The following DSCAM variants were observed in gnomAD, a reference collection of about 807,000 sequenced individuals.
DSCAM encodes the protein cell adhesion molecule DSCAM.
DSCAM carries 47 observed loss-of-function variants against 217.7 expected under a neutral mutation model. The ratio of observed to expected loss-of-function variants is 0.22; its 90% CI spans 0.17 to 0.28. The LOEUF is 0.28. DSCAM is among the 10% of genes least tolerant of loss of function. The pLI, the probability that DSCAM is intolerant of heterozygous loss-of-function variation, is 1.00. For synonymous variants in DSCAM, 1,056 were observed against 1,015.3 expected, an observed-to-expected ratio of 1.04 and a Z score of -0.76; for missense variants, 2,080 against 2,618.3, an observed-to-expected ratio of 0.79 and a Z score of 4.49.
At chr21:40,130,885 T>C (rs2090148125) in intron 19 of DSCAM, among the ~76,000 whole-genome samples, 1 of 152,148 alleles carries the variant, frequency 6.6e-6, no homozygotes, top group Non-Finnish European at 1.5e-5. Flanking sequence ...TAACACAGTT[T>C]AAGCCTCCAG....
At chr21:40,317,113 G>A (rs2074205826) in intron 8 of DSCAM, among the ~76,000 whole-genome samples, 1 of 152,202 alleles carries the variant, frequency 6.6e-6, no homozygotes, top group Non-Finnish European at 1.5e-5. Flanking sequence ...CGCAGCCACA[G>A]GGCTATTTAC....
At chr21:40,699,142 C>T (rs899051263) in intron 2 of DSCAM, among the ~76,000 whole-genome samples, 4 of 151,670 alleles carry the variant, frequency 2.6e-5, no homozygotes, top group African/African-American at 7.3e-5. Flanking sequence ...CTTTTAAAAT[C>T]ATTATATCTG....
chr21:40,435,913 C>T (rs1243239950), intron 3 of DSCAM, among the ~76,000 whole-genome samples: 1 of 152,158 alleles, frequency 6.6e-6, no homozygotes. Flanking sequence ...TGATGCTGAG[C>T]AGCAGCAGGG....
At chr21:40,561,220 G>A (rs2076718096) in intron 3 of DSCAM, among the ~76,000 whole-genome samples, 1 of 152,176 alleles carries the variant, frequency 6.6e-6, no homozygotes, top group Non-Finnish European at 1.5e-5. Flanking sequence ...TGGTAACAGT[G>A]ATGATGGTAA....
chr21:40,699,959 C>G (rs1027036076), intron 2 of DSCAM, among the ~76,000 whole-genome samples: 1 of 152,074 alleles, frequency 6.6e-6, no homozygotes, highest in Non-Finnish European at 1.5e-5. Flanking sequence ...AAAGAAAATG[C>G]CATCCAGGAT....
chr21:40,723,130 G>T (rs1455183611), intron 1 of DSCAM, among the ~76,000 whole-genome samples: 1 of 148,656 alleles, frequency 6.7e-6, no homozygotes, highest in African/African-American at 2.5e-5. Flanking sequence ...TTAGGGTAAC[G>T]TAACAGTGTT....
intron 10 of DSCAM, among the ~76,000 whole-genome samples, chr21:40,283,829 A>T (rs1229876638): frequency 6.6e-6 from 1 of 152,220 alleles, no homozygotes; most frequent in Admixed American, 6.5e-5. Context: ...GCATGCAAGG[A>T]GAGCTTGGTC....
chr21:40,628,706 T>TATCTA, intron 3 of DSCAM, among the ~76,000 whole-genome samples: 2 of 8,900 alleles, frequency 2.2e-4, no homozygotes, highest in South Asian at 4.0e-3. Context: ...TCTATCTATC[T>TATCTA]ATCTATCTAT....
At chr21:40,359,160 T>C (rs1251381451) in intron 4 of DSCAM, among the ~76,000 whole-genome samples, 4 of 152,210 alleles carry the variant, frequency 2.6e-5, no homozygotes, top group African/African-American at 9.6e-5. Flanking sequence ...GGAATCTTCA[T>C]ACATCGTTGG....
At position 40,353,733 on chromosome 21, in the gene DSCAM, G is replaced by A. The variant is rs373871052; in HGVS notation, c.666C>T (p.Asn222=). Residue 222 remains asparagine (N), a synonymous_variant, in exon 5 of 33, where the codon AAC becomes AAT. Transcript: ENST00000400454. ...SARLFVSDPA[N]SAPSILDGFD... ...ACCCATCCAGTATGGATGGGGCTGA[G>A]TTCGCTGGGTCTGTAGAAGAAATAA... 3.9e-6 allele frequency: 6 copies of A among 1,546,662 alleles called. No individual in the cohort carries two copies. The highest frequency in any genetic ancestry group is 1.7e-4 in the Middle Eastern group (1 of 5,864).
chr21:40,428,855 C>A (rs1044758982), intron 3 of DSCAM, among the ~76,000 whole-genome samples: 1 of 152,122 alleles, frequency 6.6e-6, no homozygotes, highest in South Asian at 2.1e-4. Context: ...CACACACACA[C>A]ACCATTTCAT....
intron 3 of DSCAM, among the ~76,000 whole-genome samples, chr21:40,514,238 C>A (rs2076282336): frequency 6.6e-6 from 1 of 152,198 alleles, no homozygotes; most frequent in South Asian, 2.1e-4. Context: ...TTGCAGAGCC[C>A]TGCATGCTCA....
At chr21:40,536,400 CTTT>C (rs35476225) in intron 3 of DSCAM, among the ~76,000 whole-genome samples, 8 of 127,744 alleles carry the variant, frequency 6.3e-5, no homozygotes, top group Admixed American at 2.4e-4. Context: ...CCGGTAGAGT[CTTT>C]TTTTTTTTTT....
chr21:40,638,117 A>C (rs1224863605), intron 3 of DSCAM, among the ~76,000 whole-genome samples: 1 of 152,218 alleles, frequency 6.6e-6, no homozygotes, highest in Non-Finnish European at 1.5e-5. Context: ...GAGATAAAAT[A>C]ACATACTGGA....
chr21:40,029,785 G>C (rs1035723048), intron 32 of DSCAM, among the ~76,000 whole-genome samples: 2 of 152,154 alleles, frequency 1.3e-5, no homozygotes, highest in Non-Finnish European at 2.9e-5. Flanking sequence ...CCAATCTTCA[G>C]AGCTAAATAA....
chr21:40,718,879 A>G (rs2090871619), intron 1 of DSCAM, among the ~76,000 whole-genome samples: 1 of 152,222 alleles, frequency 6.6e-6, no homozygotes, highest in South Asian at 2.1e-4. Context: ...TAATCCCAGC[A>G]CTTTTGGAGG....
chr21:40,086,019 T>C (rs761755789), intron 22 of DSCAM, among the ~76,000 whole-genome samples: 9 of 152,228 alleles, frequency 5.9e-5, no homozygotes, highest in Non-Finnish European at 1.2e-4. Flanking sequence ...CTCAAGTCAG[T>C]GGACTCCTCA....
At chr21:40,076,237 C>T (rs1172573089) in intron 26 of DSCAM, among the ~76,000 whole-genome samples, 1 of 152,100 alleles carries the variant, frequency 6.6e-6, no homozygotes, top group East Asian at 1.9e-4. Context: ...AAGCCCAAGT[C>T]TCCAAATGCT....
intron 1 of DSCAM, among the ~76,000 whole-genome samples, chr21:40,744,223 G>A (rs886889914): frequency 1.3e-5 from 2 of 152,148 alleles, no homozygotes; most frequent in Non-Finnish European, 2.9e-5. Flanking sequence ...GGGAGAGCTA[G>A]GAGGGCTGAA....
Sources: gnomAD v4.1 joint callset for allele counts (sites outside exome capture counted in the v4.1 genomes callset) on GRCh38, gnomAD v4.1.1 for gene constraint, MANE v1.5 for transcripts, NCBI Gene and HGNC (gene_info 2026-07-23, HGNC 2026-07-21) for gene names.